The following SCAPER variants were observed in gnomAD, a reference collection of about 807,000 sequenced individuals.
The protein encoded by SCAPER is S-phase cyclin A associated protein in the ER, also known as S phase cyclin A-associated protein in the endoplasmic reticulum.
Under a neutral mutation model 182.2 loss-of-function variants are expected in SCAPER, and 98 were observed. The observed-to-expected ratio is 0.54, with a 90% CI of 0.46 to 0.64. SCAPER has a LOEUF of 0.64. Among genes scored for constraint, SCAPER ranks in the 30% least tolerant of loss-of-function variants. The pLI, the probability that SCAPER is intolerant of heterozygous loss-of-function variation, is 0.00. For synonymous variants in SCAPER, 605 were observed against 564.6 expected, an observed-to-expected ratio of 1.07 and a Z score of -1.01; for missense variants, 1,432 against 1,690.0, an observed-to-expected ratio of 0.85 and a Z score of 2.68.
At chr15:76,361,112 G>T (rs2141728717) in intron 29 of SCAPER, among the ~76,000 whole-genome samples, 1 of 151,870 alleles carries the variant, frequency 6.6e-6, no homozygotes, top group East Asian at 1.9e-4. Flanking sequence ...AGAGTTTGCA[G>T]ATTTCACATT....
chr15:76,528,090 G>C (rs2043342324), intron 23 of SCAPER, among the ~76,000 whole-genome samples: 1 of 152,102 alleles, frequency 6.6e-6, no homozygotes, highest in South Asian at 2.1e-4. Context: ...AAGTTTTGCA[G>C]GCCAAGAAGC....
chr15:76,724,028 T>C (rs929875619), intron 17 of SCAPER, among the ~76,000 whole-genome samples: 4 of 152,214 alleles, frequency 2.6e-5, no homozygotes, highest in Non-Finnish European at 5.9e-5. Flanking sequence ...TGATGGTCTT[T>C]ACAATTTGAC....
intron 5 of SCAPER, among the ~76,000 whole-genome samples, chr15:76,810,909 G>A (rs1483965025): frequency 2.0e-5 from 3 of 151,878 alleles, no homozygotes; most frequent in Non-Finnish European, 4.4e-5. Flanking sequence ...TAGAATGTAA[G>A]GAAAAAACTG....
At chr15:76,526,202 T>C (rs1170809398) in intron 23 of SCAPER, among the ~76,000 whole-genome samples, 1 of 152,188 alleles carries the variant, frequency 6.6e-6, no homozygotes, top group Admixed American at 6.5e-5. Context: ...CTATATTTCC[T>C]TATCTTTGAA....
intron 20 of SCAPER, among the ~76,000 whole-genome samples, chr15:76,699,930 A>G (rs763563356): frequency 5.3e-5 from 8 of 152,190 alleles, no homozygotes; most frequent in Non-Finnish European, 8.8e-5. Flanking sequence ...GCATGGTGGC[A>G]AAGTCCATGC....
chr15:76,847,223 A>G (rs1433541827), intron 4 of SCAPER, among the ~76,000 whole-genome samples: 1 of 152,130 alleles, frequency 6.6e-6, no homozygotes, highest in Non-Finnish European at 1.5e-5. Context: ...GGGGAAGTGG[A>G]GATAGTTAAT....
chr15:76,888,989 C>G (rs1356214520), intron 1 of SCAPER, among the ~76,000 whole-genome samples: 1 of 152,206 alleles, frequency 6.6e-6, no homozygotes, highest in Admixed American at 6.5e-5. Flanking sequence ...CTAGCAGTAA[C>G]CCTACAAGGC....
At chr15:76,774,277 C>A in intron 9 of SCAPER, 2 of 249,512 alleles carry the variant, frequency 8.0e-6, no homozygotes, top group East Asian at 1.5e-4. Flanking sequence ...AAAAAAAAAC[C>A]CTACAATGTA....
chr15:76,365,552 T>TC (rs2041749818), intron 29 of SCAPER, among the ~76,000 whole-genome samples: 1 of 152,240 alleles, frequency 6.6e-6, no homozygotes. Context: ...AAGTGCTGCT[T>TC]CCATTTTAAT....
At chr15:76,657,536 T>C (rs184937895) in intron 21 of SCAPER, among the ~76,000 whole-genome samples, 1 of 150,338 alleles carries the variant, frequency 6.7e-6, no homozygotes, top group East Asian at 2.0e-4. Flanking sequence ...CTTTAACTCA[T>C]TCTATGAGCC....
At chr15:76,645,031 G>T (rs1039244528) in intron 21 of SCAPER, among the ~76,000 whole-genome samples, 4 of 152,082 alleles carry the variant, frequency 2.6e-5, no homozygotes, top group African/African-American at 9.6e-5. Context: ...TGTTATGTCT[G>T]TATTGAAAAC....
intron 23 of SCAPER, among the ~76,000 whole-genome samples, chr15:76,571,833 C>T (rs1226247221): frequency 6.6e-6 from 1 of 152,146 alleles, no homozygotes; most frequent in Non-Finnish European, 1.5e-5. Context: ...TTTACAATTC[C>T]TAGACTGAAA....
chr15:76,747,231 T>C (rs1003264523), intron 15 of SCAPER, among the ~76,000 whole-genome samples: 33 of 152,264 alleles, frequency 2.2e-4, no homozygotes, highest in African/African-American at 7.2e-4. Flanking sequence ...TGGCCAGGCA[T>C]GGTGGCTCAC....
At chr15:76,471,119 G>T (rs1430276402) in intron 25 of SCAPER, 93 bp downstream of exon 25, 2 of 956,470 alleles carry the variant, frequency 2.1e-6, no homozygotes, top group Non-Finnish European at 2.7e-6. Context: ...TTTTCATCTG[G>T]AGAGTAACTA....
chr15:76,635,018 G>T (rs902995541), intron 21 of SCAPER, among the ~76,000 whole-genome samples: 1 of 152,068 alleles, frequency 6.6e-6, no homozygotes, highest in African/African-American at 2.4e-5. Flanking sequence ...TATGTTTCTG[G>T]TCACAAAATC....
chr15:76,854,565 C>T (rs1463007793), intron 4 of SCAPER, among the ~76,000 whole-genome samples: 1 of 151,936 alleles, frequency 6.6e-6, no homozygotes, highest in Non-Finnish European at 1.5e-5. Context: ...ATGCTATTCC[C>T]ATCAAACTAC....
chr15:76,458,557 T>G (rs2048920035), intron 25 of SCAPER, among the ~76,000 whole-genome samples: 1 of 152,178 alleles, frequency 6.6e-6, no homozygotes, highest in South Asian at 2.1e-4. Context: ...ACCCAATATA[T>G]AATATTTGTA....
rs1456178997 is a variant in SCAPER at position 76,603,183 on chromosome 15, C to G, written c.2711+18581G>C. ...TATATCTCCTAATGATATCCCTCCC[C>G]CTTCCTCCCACCCCACAACAGTCCC... is the stretch of plus-strand genomic sequence containing the variant. On this transcript the variant is annotated intron_variant, in intron 22 of 31. Coordinates refer to ENST00000563290, the MANE Select transcript of SCAPER (RefSeq NM_020843.4). 2.5e-5 allele frequency among the ~76,000 whole-genome samples: 3 copies of G among 118,898 alleles called. 1 individual carries two copies. The highest frequency in any genetic ancestry group is 9.8e-5 in the Admixed American group (1 of 10,234). The allele number at this position is 118,898 out of a possible 152,430, so 78.0% of individuals were successfully genotyped here. A position where few individuals can be genotyped will look rare whatever the true frequency, so the allele number is the denominator to read the frequency against.
intron 5 of SCAPER, among the ~76,000 whole-genome samples, chr15:76,827,724 G>A (rs979539099): frequency 4.6e-5 from 7 of 152,126 alleles, no homozygotes; most frequent in Middle Eastern, 3.4e-3. Context: ...ACAAAATATA[G>A]AACACAGGTG....
Sources: allele counts gnomAD v4.1 joint callset (sites outside exome capture counted in the v4.1 genomes callset), GRCh38; gene constraint gnomAD v4.1.1; transcripts MANE v1.5; gene names NCBI Gene and HGNC (gene_info 2026-07-23, HGNC 2026-07-21).